The following RBPJ variants were observed in gnomAD, a reference collection of about 807,000 sequenced individuals.
The protein encoded by RBPJ is recombination signal binding protein for immunoglobulin kappa J region, also known as recombining binding protein suppressor of hairless.
In RBPJ, 9 loss-of-function variants were observed where a neutral mutation model predicts 67.8. The ratio of observed to expected loss-of-function variants is 0.13; its 90% CI spans 0.08 to 0.23. The LOEUF (loss-of-function observed/expected upper bound fraction) is 0.23, where lower values mean the gene tolerates loss of function less well. Ranked by LOEUF, RBPJ falls within the 10% of genes least tolerant of loss-of-function variation. The pLI is 1.00. For missense variants in RBPJ, 305 were observed against 595.6 expected (o/e 0.51, Z 5.08); for synonymous variants, 198 against 203.3 (o/e 0.97, Z 0.22).
chr4:26,238,403 T>C (rs527980979), intron 1 of RBPJ, among the ~76,000 whole-genome samples: 11 of 152,324 alleles, frequency 7.2e-5, no homozygotes, highest in African/African-American at 2.6e-4. Flanking sequence ...CTTTCTTGTC[T>C]GTAAAACAAG....
At chr4:26,316,830 T>TTTG (rs1722667149), upstream of RBPJ, among the ~76,000 whole-genome samples, 1 of 132,542 alleles carries the variant, frequency 7.5e-6, no homozygotes, top group African/African-American at 2.8e-5. Flanking sequence ...CAGACGACTT[T>TTTG]TTTTTTTTTT....
the RBPJ span, among the ~76,000 whole-genome samples, chr4:26,126,622 T>A: frequency 6.6e-6 from 1 of 152,238 alleles, no homozygotes; most frequent in Non-Finnish European, 1.5e-5. Context: ...TCCAAACTTG[T>A]TCTGCAGCCT....
At chr4:26,306,547 T>A (rs952195009) in intron 1 of RBPJ, among the ~76,000 whole-genome samples, 7 of 151,922 alleles carry the variant, frequency 4.6e-5, no homozygotes, top group African/African-American at 1.7e-4. Context: ...CCTCCCAGGT[T>A]CATGCCATTC....
At chr4:26,315,720 G>A (rs1242189876), upstream of RBPJ, among the ~76,000 whole-genome samples, 3 of 152,088 alleles carry the variant, frequency 2.0e-5, 1 homozygote, top group East Asian at 5.8e-4. Context: ...CAGGGGACCA[G>A]GGCATATTTG....
chr4:26,245,203 A>G, intron 1 of RBPJ, among the ~76,000 whole-genome samples: 1 of 98,412 alleles, frequency 1.0e-5, no homozygotes, highest in East Asian at 2.9e-4. Flanking sequence ...TCACTATTGT[A>G]TTTTTTTTTT....
chr4:26,173,449 G>A (rs181018860), intron 1 of RBPJ, among the ~76,000 whole-genome samples: 1 of 152,262 alleles, frequency 6.6e-6, no homozygotes, highest in Non-Finnish European at 1.5e-5. Flanking sequence ...AGTAGGTTTT[G>A]AGTAGGAAGT....
chr4:26,341,317 A>G (rs2667064), intron 1 of RBPJ, among the ~76,000 whole-genome samples: 3,622 of 152,234 alleles, frequency 0.024, 124 homozygotes, highest in African/African-American at 0.071. Flanking sequence ...CATGTGGTAA[A>G]AGACAGCTGA....
intron 2 of RBPJ, among the ~76,000 whole-genome samples, chr4:26,404,614 A>G (rs1445245178): frequency 6.6e-6 from 1 of 152,210 alleles, no homozygotes; most frequent in Non-Finnish European, 1.5e-5. Flanking sequence ...TGTTAGCTGT[A>G]TAGCAGTACT....
At chr4:26,132,695 T>C in the RBPJ span, among the ~76,000 whole-genome samples, 3 of 152,140 alleles carry the variant, frequency 2.0e-5, no homozygotes, top group Non-Finnish European at 4.4e-5. Context: ...AGTCTAAAAG[T>C]AAAGATTTGG....
chr4:26,429,406 G>A (rs3109831), intron 8 of RBPJ, among the ~76,000 whole-genome samples: 3,607 of 152,300 alleles, frequency 0.024, 122 homozygotes, highest in African/African-American at 0.071. Context: ...CATACACACT[G>A]ATGGGCATGC....
intron 1 of RBPJ, among the ~76,000 whole-genome samples, chr4:26,169,820 A>G (rs1267302618): frequency 2.0e-5 from 3 of 151,978 alleles, no homozygotes; most frequent in Non-Finnish European, 4.4e-5. Flanking sequence ...TTGCAGTTTG[A>G]TCTCAGACTG....
intron 1 of RBPJ, among the ~76,000 whole-genome samples, chr4:26,347,367 T>G (rs1397455613): frequency 6.6e-6 from 1 of 151,990 alleles, no homozygotes; most frequent in Non-Finnish European, 1.5e-5. Context: ...GCACCAAAAT[T>G]TAAGGAATGG....
chr4:26,301,957 TA>T (rs1722092704), intron 1 of RBPJ, among the ~76,000 whole-genome samples: 1 of 152,072 alleles, frequency 6.6e-6, no homozygotes, highest in African/African-American at 2.4e-5. Flanking sequence ...CAGGCCCAGC[TA>T]TTTTTTTGTA....
At chr4:26,384,199 A>C (rs1730585989) in intron 1 of RBPJ, among the ~76,000 whole-genome samples, 1 of 152,180 alleles carries the variant, frequency 6.6e-6, no homozygotes, top group Non-Finnish European at 1.5e-5. Flanking sequence ...ATCAAGCAGA[A>C]CTAATTATAC....
intron 1 of RBPJ, among the ~76,000 whole-genome samples, chr4:26,337,128 ATTTTTT>A (rs59549393): frequency 8.2e-4 from 111 of 134,772 alleles, no homozygotes; most frequent in Non-Finnish European, 1.5e-3. Flanking sequence ...TGCCCAGCTA[ATTTTTT>A]TTTTTTTTTT....
intron 1 of RBPJ, among the ~76,000 whole-genome samples, chr4:26,202,019 C>T (rs574552626): frequency 8.5e-5 from 13 of 152,332 alleles, no homozygotes; most frequent in Non-Finnish European, 1.6e-4. Context: ...CCCCAAAAAA[C>T]TTTCTTTCCC....
chr4:26,352,427 G>A (rs1266357007), intron 1 of RBPJ, among the ~76,000 whole-genome samples: 2 of 152,162 alleles, frequency 1.3e-5, no homozygotes, highest in African/African-American at 4.8e-5. Flanking sequence ...TCCTGATATT[G>A]TGACGTTAGG....
chr4:26,331,792 T>C (rs922659692), intron 1 of RBPJ, among the ~76,000 whole-genome samples: 10 of 152,342 alleles, frequency 6.6e-5, no homozygotes, highest in African/African-American at 2.4e-4. Flanking sequence ...CTCTTTTCTC[T>C]CTAGCTTCTT....
chr4:26,244,143 G>GTATACACATATA (rs1179141990), intron 1 of RBPJ, among the ~76,000 whole-genome samples: 2 of 141,290 alleles, frequency 1.4e-5, no homozygotes, highest in African/African-American at 5.2e-5. Flanking sequence ...ATATATATAT[G>GTATACACATATA]TGTACACATA....
Sources: gnomAD v4.1 joint callset for allele counts (sites outside exome capture counted in the v4.1 genomes callset) on GRCh38, gnomAD v4.1.1 for gene constraint, MANE v1.5 for transcripts, NCBI Gene and HGNC (gene_info 2026-07-23, HGNC 2026-07-21) for gene names.